RNF144B: variants seen among roughly 807,000 people sequenced by gnomAD.
The protein encoded by RNF144B is E3 ubiquitin-protein ligase RNF144B.
Under a neutral mutation model 40.2 loss-of-function variants are expected in RNF144B, and 25 were observed. That is an observed-to-expected ratio of 0.62 (90% CI 0.45 to 0.87). The LOEUF is 0.87. RNF144B is among the 40% of genes least tolerant of loss of function. The pLI, the probability that RNF144B is intolerant of heterozygous loss-of-function variation, is 0.00. For synonymous variants in RNF144B, 145 were observed against 136.3 expected, an observed-to-expected ratio of 1.06 and a Z score of -0.44; for missense variants, 365 against 373.7, an observed-to-expected ratio of 0.98 and a Z score of 0.19.
rs756632249 is a variant in RNF144B at position 18,464,941 on chromosome 6, C to T, written c.786C>T (p.Leu262=). 6.8e-6 allele frequency: 11 copies of T among 1,613,776 alleles called. No individual in the cohort carries two copies. The highest frequency in any genetic ancestry group is 1.6e-4 in the Middle Eastern group (1 of 6,084). Residue 262 remains leucine, a synonymous_variant, in exon 8 of 8, where the codon CTC becomes CTT. Coordinates refer to ENST00000259939, the MANE Select transcript of RNF144B (RefSeq NM_182757.4). This position sits in a 1 kb window ranked among gnomAD's most constrained non-coding sequence, Gnocchi z 6.1. ...MWNRTQVVGI[L]VGLGIIALVT... is the part of the protein sequence containing the mutation. The stretch of plus-strand genomic sequence containing the variant: ...GAAATTTCCAGGTGGTGGGGATTCT[C>T]GTAGGCTTGGGCATCATTGCCTTGG...
rs1795109355 is a variant in RNF144B at position 18,414,579 on chromosome 6, T to G, written c.166-13002T>G. Among the ~76,000 whole-genome samples the G allele has an allele frequency of 6.6e-6, 1 of 152,158 alleles. No individual in the cohort carries two copies. The highest frequency in any genetic ancestry group is 6.5e-5 in the Admixed American group (1 of 15,274). ...CTACCACTAGTTTTATTTAAAAATG[T>G]TTTAATTTGTATAGATACGTAGTAG... On this transcript the variant is annotated intron_variant, in intron 2 of 7. Transcript: ENST00000259939. This position sits in a 1 kb window ranked among gnomAD's most constrained non-coding sequence, Gnocchi z 4.9.
chr6:18,402,659 T>C (rs1794815979), intron 2 of RNF144B, among the ~76,000 whole-genome samples: 2 of 152,200 alleles, frequency 1.3e-5, no homozygotes, highest in South Asian at 4.1e-4. Flanking sequence ...GCCACCCTTT[T>C]GAGTGGAACA....
rs187227072 is a variant in RNF144B at position 18,416,394 on chromosome 6, G to A, written c.166-11187G>A. Among the ~76,000 whole-genome samples the A allele has an allele frequency of 4.9e-4, 74 of 152,320 alleles. No individual in the cohort carries two copies. The highest frequency in any genetic ancestry group is 1.7e-3 in the African/African-American group (70 of 41,578). ...TAGCAAATTTGTTTGGCTTTCTTGT[G>A]AAGCCTGGACCAGGCTGCAGCATTT... On this transcript the variant is annotated intron_variant, in intron 2 of 7. Transcript: ENST00000259939. The surrounding 1 kb of genome is among the most constrained non-coding windows in gnomAD (Gnocchi z 5.5).
rs145036521 is a variant in RNF144B, at chr6:18,421,797, C to T, written c.166-5784C>T. On this transcript the variant is annotated intron_variant, in intron 2 of 7. Transcript: ENST00000259939. Reference sequence around the variant, plus strand: ...GGCCTTAGGGTGCTATGAGGGCAGACGGGCTGGGTGTGCTGCCACACTAGG... The same window carrying T: ...GGCCTTAGGGTGCTATGAGGGCAGATGGGCTGGGTGTGCTGCCACACTAGG... 3.2e-3 allele frequency among the ~76,000 whole-genome samples: 488 copies of T among 152,174 alleles called. 5 individuals carry two copies. The highest frequency in any genetic ancestry group is 0.011 in the African/African-American group (457 of 41,490).
At chr6:18,440,064 G>A (rs987463667) in intron 4 of RNF144B, among the ~76,000 whole-genome samples, 7 of 152,044 alleles carry the variant, frequency 4.6e-5, no homozygotes, top group African/African-American at 1.7e-4. Flanking sequence ...CTCGAAATGG[G>A]TTTTACCACT....
chr6:18,393,693 A>G (rs952548351), intron 1 of RNF144B, among the ~76,000 whole-genome samples: 1 of 152,170 alleles, frequency 6.6e-6, no homozygotes, highest in Non-Finnish European at 1.5e-5. Context: ...TGGGACCTTT[A>G]GATTGCTGCT....
At chr6:18,401,636 T>TA (rs771149265) in intron 2 of RNF144B, among the ~76,000 whole-genome samples, 1 of 152,190 alleles carries the variant, frequency 6.6e-6, no homozygotes, top group Non-Finnish European at 1.5e-5. Flanking sequence ...TTCTTGTTTT[T>TA]AAAAAAATGA....
In RNF144B at chr6:18,427,704, A is replaced by G. The variant is rs1758591470; in HGVS notation, c.270+19A>G. 9 of 1,398,190 alleles carry G rather than the reference A, an allele frequency of 6.4e-6. No individual in the cohort carries two copies. Among genetic ancestry groups the G allele is most frequent in the Non-Finnish European group, 9.1e-6 (9 of 984,458 alleles). 86.6% of individuals were successfully genotyped at this position (1,398,190 alleles called of 1,614,324 possible). The stretch of plus-strand genomic sequence containing the variant: ...AGCTGAGGTATGAATGACTACCATC[A>G]TCTTCCCCTCTTTCCTATTTATGTT... On this transcript the variant is annotated intron_variant, in intron 3 of 7. Coordinates refer to ENST00000259939, the MANE Select transcript of RNF144B (RefSeq NM_182757.4).
intron 4 of RNF144B, among the ~76,000 whole-genome samples, chr6:18,445,462 T>C (rs1286895487): frequency 6.6e-6 from 1 of 152,224 alleles, no homozygotes; most frequent in Non-Finnish European, 1.5e-5. Context: ...TAGTTTTAAA[T>C]AGCATTTCTT....
chr6:18,457,073 A>G lies in RNF144B; in HGVS notation c.332-82A>G, dbSNP rs767008221. On this transcript the variant is annotated intron_variant, in intron 4 of 7. Coordinates refer to ENST00000259939, the MANE Select transcript of RNF144B (RefSeq NM_182757.4). The surrounding 1 kb of genome is among the most constrained non-coding windows in gnomAD (Gnocchi z 5.1). ...GAGACTCTGGTTCCAAATAAATTAAATAAATAAGAGGGCAAATGAAGGTGA... is the reference window on the plus strand; with the variant it reads ...GAGACTCTGGTTCCAAATAAATTAAGTAAATAAGAGGGCAAATGAAGGTGA... 4 of 1,122,674 alleles carry G rather than the reference A, an allele frequency of 3.6e-6. No homozygotes were observed. Among genetic ancestry groups the G allele is most frequent in the Non-Finnish European group, 5.4e-6 (4 of 734,814 alleles). 69.5% of individuals were successfully genotyped at this position (1,122,674 alleles called of 1,614,324 possible).
rs397702404 is a variant in RNF144B, at chr6:18,448,717, C to CA, written c.332-8438_332-8437insA. On this transcript the variant is annotated intron_variant, in intron 4 of 7. Transcript: ENST00000259939. This position sits in a 1 kb window ranked among gnomAD's most constrained non-coding sequence, Gnocchi z 4.0. ...ACACACACACACACACACACACACA[C>CA]CCCACCCCCAAGATAGAACCAGCAA... Among the ~76,000 whole-genome samples, 7 of 131,238 alleles carry CA rather than the reference C, an allele frequency of 5.3e-5. No individual in the cohort carries two copies. The East Asian group carries it at 6.0e-4, about 11-fold the overall frequency. The allele number at this position is 131,238 out of a possible 152,430, so 86.1% of individuals were successfully genotyped here. A position where few individuals can be genotyped will look rare whatever the true frequency, so the allele number is the denominator to read the frequency against.
In RNF144B at chr6:18,447,361, G is replaced by C. The variant is rs1050489153; in HGVS notation, c.331+7617G>C. Reference sequence around the variant, plus strand: ...AAGGAGGCCCTTATGATGGAGCTAAGTGAGCAGAGGGGAGAGTTATAGGAG... The same window carrying C: ...AAGGAGGCCCTTATGATGGAGCTAACTGAGCAGAGGGGAGAGTTATAGGAG... On this transcript the variant is annotated intron_variant, in intron 4 of 7. Coordinates refer to ENST00000259939, the MANE Select transcript of RNF144B (RefSeq NM_182757.4). This position sits in a 1 kb window ranked among gnomAD's most constrained non-coding sequence, Gnocchi z 5.6. Among the ~76,000 whole-genome samples the C allele has an allele frequency of 2.0e-5, 3 of 152,128 alleles. No homozygotes were observed. The highest frequency in any genetic ancestry group is 7.2e-5 in the African/African-American group (3 of 41,438).
Position 18,450,590 on chromosome 6 carries a change from C to T in RNF144B, c.332-6565C>T, listed in dbSNP as rs566773366. Among the ~76,000 whole-genome samples the T allele has an allele frequency of 4.1e-4, 62 of 152,290 alleles. No homozygotes were observed. The highest frequency in any genetic ancestry group is 1.5e-3 in the African/African-American group (61 of 41,554). ...CTAGGATTACAGTTGTGAGCCACCA[C>T]ACCCAGCTGAGTTTCTAAGGTGTAA... On this transcript the variant is annotated intron_variant, in intron 4 of 7. Coordinates refer to ENST00000259939, the MANE Select transcript of RNF144B (RefSeq NM_182757.4). This position sits in a 1 kb window ranked among gnomAD's most constrained non-coding sequence, Gnocchi z 4.7.
chr6:18,437,606 TA>T (rs1344917982), intron 3 of RNF144B, among the ~76,000 whole-genome samples: 1 of 152,220 alleles, frequency 6.6e-6, no homozygotes, highest in Non-Finnish European at 1.5e-5. Flanking sequence ...TTTACCTTAG[TA>T]AGTCTTCGTT....
intron 2 of RNF144B, among the ~76,000 whole-genome samples, chr6:18,421,449 T>G (rs1758424963): frequency 6.6e-6 from 1 of 152,134 alleles, no homozygotes; most frequent in Admixed American, 6.6e-5. Context: ...TAAGTGGTAA[T>G]TCAGTGATCT....
chr6:18,467,324 A>T lies in RNF144B; in HGVS notation c.*2257A>T, dbSNP rs72834110. The T allele has an allele frequency of 0.011, 1,652 of 151,746 alleles. 22 individuals are homozygous for T. The highest frequency in any genetic ancestry group is 0.031 in the Middle Eastern group (9 of 292). The allele number at this position is 151,746 out of a possible 1,614,324, so 9.4% of individuals were successfully genotyped here. On this transcript the variant is annotated 3_prime_UTR_variant, in exon 8 of 8. Transcript: ENST00000259939. ...TTTGGAGTAAAGATGGGAGAAAATA[A>T]ATATGTGCTATTTCCTTGGCGAGTT...
intron 1 of RNF144B, among the ~76,000 whole-genome samples, chr6:18,393,082 C>T (rs1480720649): frequency 1.4e-5 from 2 of 148,028 alleles, no homozygotes; most frequent in Non-Finnish European, 3.0e-5. Context: ...GATCGCGCCA[C>T]TGCACTCCAG....
Position 18,419,009 on chromosome 6 carries a change from A to G in RNF144B, c.166-8572A>G, listed in dbSNP as rs1795200858. Reference sequence around the variant, plus strand: ...TGTGGTTTGTGTGCCAGTGGCACCAACGAGACCTGGGAACTTACAAGGAGG... The same window carrying G: ...TGTGGTTTGTGTGCCAGTGGCACCAGCGAGACCTGGGAACTTACAAGGAGG... On this transcript the variant is annotated intron_variant, in intron 2 of 7. Transcript: ENST00000259939. The surrounding 1 kb of genome is among the most constrained non-coding windows in gnomAD (Gnocchi z 4.6). Among the ~76,000 whole-genome samples, 2 of 152,074 alleles carry G rather than the reference A, an allele frequency of 1.3e-5. No homozygotes were observed. The highest frequency in any genetic ancestry group is 2.1e-4 in the South Asian group (1 of 4,812).
chr6:18,392,363 CTT>C (rs1307561046), intron 1 of RNF144B, among the ~76,000 whole-genome samples: 3 of 152,124 alleles, frequency 2.0e-5, no homozygotes, highest in Admixed American at 6.5e-5. Flanking sequence ...TTGTAACAGA[CTT>C]TATTCATAAC....
Sources: allele counts gnomAD v4.1 joint callset (sites outside exome capture counted in the v4.1 genomes callset), GRCh38; gene constraint gnomAD v4.1.1; non-coding constraint Gnocchi (gnomAD v3.1); transcripts MANE v1.5; gene names NCBI Gene and HGNC (gene_info 2026-07-23, HGNC 2026-07-21).